The following MIER1 variants were observed in gnomAD, a reference collection of about 807,000 sequenced individuals.
The protein encoded by MIER1 is MIER1 transcriptional regulator, also known as mesoderm induction early response protein 1.
In MIER1, 40 loss-of-function variants were observed where a neutral mutation model predicts 75.7. The ratio of observed to expected loss-of-function variants is 0.53; its 90% confidence interval spans 0.41 to 0.69. The LOEUF (loss-of-function observed/expected upper bound fraction) is 0.69. MIER1 is among the 30% of genes least tolerant of loss of function. The pLI is 0.00. For missense variants in MIER1, 574 were observed against 680.2 expected (o/e 0.84, Z 1.74); for synonymous variants, 213 against 223.4 (o/e 0.95, Z 0.42).
At chr1:66,939,910 A>C in intron 2 of MIER1, 118 bp from the exon 3 acceptor site, 2 of 721,890 alleles carry the variant, frequency 2.8e-6, no homozygotes, top group Non-Finnish European at 4.7e-6. Context: ...ACTAAAATGC[A>C]GACATTAAAA....
chr1:66,930,441 G>A (rs1652895067), intron 2 of MIER1: 2 of 1,599,876 alleles, frequency 1.3e-6, no homozygotes, highest in Non-Finnish European at 1.7e-6. Flanking sequence ...GGAGCCGGGC[G>A]CCCCCGGCCC....
At chr1:66,974,231 G>A (rs762392096) in intron 11 of MIER1, among the ~76,000 whole-genome samples, 18 of 151,968 alleles carry the variant, frequency 1.2e-4, no homozygotes, top group Admixed American at 5.9e-4. Context: ...TAGCATTTAG[G>A]ATAACTTAGA....
At chr1:66,926,333 G>C in intron 2 of MIER1, 91 bp downstream of exon 2, 1 of 1,063,686 alleles carries the variant, frequency 9.4e-7, no homozygotes, top group Non-Finnish European at 1.4e-6. Flanking sequence ...ATATGTTCCA[G>C]TGTTTGAGAA....
At position 66,984,750 on chromosome 1, in the gene MIER1, A is replaced by C. The variant is rs1313476102; in HGVS notation, c.1548A>C (p.Arg516Ser). 1.2e-6 allele frequency: 2 copies of C among 1,614,082 alleles called. No individual in the cohort carries two copies. Among genetic ancestry groups the C allele is most frequent in the Non-Finnish European group, 1.7e-6 (2 of 1,179,958 alleles). The change falls in exon 14 of 14, where the codon AGA (arginine) becomes AGC (serine). Residue 516 changes from arginine to serine, a missense_variant. By Grantham distance (110) the Arg-to-Ser change is moderately radical. Around this residue, in one of 3 missense-constraint regions of MIER1, gnomAD observed 164 missense variants for 154.3 expected, o/e 1.06. Coordinates refer to ENST00000401041, the MANE Select transcript of MIER1 (RefSeq NM_001077700.3). ...CAAAACTTGCCCATATGACTGCAAG[A>C]AATGAAAATGATTTTGATGAAAAAA... is the stretch of plus-strand genomic sequence containing the variant. ...TDPKLAHMTA[R>S]NENDFDEKSE...
chr1:66,978,689 A>G lies in MIER1; in HGVS notation c.1229+1967A>G, dbSNP rs144873992. 1.8e-3 allele frequency among the ~76,000 whole-genome samples: 271 copies of G among 152,324 alleles called. 4 individuals are homozygous for G. Among genetic ancestry groups the G allele is most frequent in the Non-Finnish European group, 4.4e-4 (30 of 68,040 alleles). On this transcript the variant is annotated intron_variant, in intron 12 of 13. Transcript: ENST00000401041. ...CAGAAATAATGTTCACACGTGAGCT[A>G]CATTCAGTCTGTAATCATCAGCAGT...
Position 66,987,495 on chromosome 1 carries a change from A to G in MIER1, c.*2595A>G, listed in dbSNP as rs1343347845. The G allele has an allele frequency of 6.5e-6, 1 of 152,696 alleles. No individual in the cohort carries two copies. The highest frequency in any genetic ancestry group is 1.5e-5 in the Non-Finnish European group (1 of 67,978). The allele number at this position is 152,696 out of a possible 1,614,324, so 9.5% of individuals were successfully genotyped here. A position where few individuals can be genotyped will look rare whatever the true frequency, so the allele number is the denominator to read the frequency against. On this transcript the variant is annotated 3_prime_UTR_variant, in exon 14 of 14. Transcript: ENST00000401041. Reference sequence around the variant, plus strand: ...TTCAGGATCTGCAATTCAGTTCAACACAAGTTTGTTGAGCTTTAAAATGTA... The same window carrying G: ...TTCAGGATCTGCAATTCAGTTCAACGCAAGTTTGTTGAGCTTTAAAATGTA...
In MIER1 at chr1:66,976,731, AT is replaced by A; in HGVS notation, c.1229+15del. The A allele has an allele frequency of 6.4e-7, 1 of 1,569,128 alleles. No homozygotes were observed. Among genetic ancestry groups the A allele is most frequent in the Non-Finnish European group, 8.6e-7 (1 of 1,160,726 alleles). On this transcript the variant is annotated intron_variant, in intron 12 of 13. Transcript: ENST00000401041. ...CTTCATCCTGGTGTAACGTGAGTTA[AT>A]TTTTTCCTTAAGAGCTATATATACA...
chr1:66,959,647 A>C, intron 6 of MIER1, 32 bp from the exon 7 acceptor site: 1 of 1,069,378 alleles, frequency 9.4e-7, no homozygotes, highest in African/African-American at 1.7e-5. Flanking sequence ...ATAAGCAGTC[A>C]TTTTATAGTA....
intron 8 of MIER1, among the ~76,000 whole-genome samples, chr1:66,965,684 A>C (rs1265551429): frequency 6.6e-6 from 1 of 152,124 alleles, no homozygotes; most frequent in Non-Finnish European, 1.5e-5. Flanking sequence ...ATACTCTTAT[A>C]GTTCTTTAAA....
At chr1:66,944,488 A>T (rs2985824) in intron 3 of MIER1, among the ~76,000 whole-genome samples, 1 of 150,662 alleles carries the variant, frequency 6.6e-6, no homozygotes, top group African/African-American at 2.4e-5. Context: ...TTTACAGACT[A>T]TGTATGCCCA....
chr1:66,948,326 T>TG, intron 4 of MIER1: 1 of 625,702 alleles, frequency 1.6e-6, no homozygotes, highest in Non-Finnish European at 2.0e-6. Context: ...CATAATATCA[T>TG]GAAAAATGAA....
chr1:66,981,860 C>T lies in MIER1; in HGVS notation c.1311C>T (p.Asn437=), dbSNP rs2102070909. 6.2e-7 allele frequency: 1 copy of T among 1,614,064 alleles called. No homozygotes were observed. Among genetic ancestry groups the T allele is most frequent in the Middle Eastern group, 1.6e-4 (1 of 6,062 alleles). Residue 437 remains asparagine (N), a synonymous_variant, in exon 13 of 14, where the codon AAC becomes AAT. Coordinates refer to ENST00000401041, the MANE Select transcript of MIER1 (RefSeq NM_001077700.3). ...RAPSPPPTAS[N]SSNSQSEKED... ...CATCCCCTCCCCCAACTGCATCAAA[C>T]AGTAGTAACAGCCAGTCTGAGAAAG...
At chr1:66,939,876 G>C in intron 2 of MIER1, 152 bp from the exon 3 acceptor site, 1 of 580,064 alleles carries the variant, frequency 1.7e-6, no homozygotes, top group Non-Finnish European at 3.0e-6. Context: ...GTTTTAGTTT[G>C]TCTTGGAAAA....
chr1:66,947,945 T>G (rs745696166), intron 4 of MIER1: 1 of 985,358 alleles, frequency 1.0e-6, no homozygotes, highest in East Asian at 1.1e-4. Context: ...CGGTGTTGCC[T>G]CCTCAGAATA....
chr1:66,981,547 T>C (rs899519844), intron 12 of MIER1, among the ~76,000 whole-genome samples: 52 of 152,200 alleles, frequency 3.4e-4, no homozygotes, highest in African/African-American at 1.2e-3. Flanking sequence ...AAATTTCCTA[T>C]GGGTCTCTAA....
chr1:66,958,152 G>A lies in MIER1; in HGVS notation c.433G>A (p.Glu145Lys). ...PEEDEEEEEE[E>K]EEGEDDEDAD... ...AGAAGATGAGGAAGAGGAAGAAGAGGAAGAAGAAGGTGAAGATGATGAAGA... is the reference window on the plus strand; with the variant it reads ...AGAAGATGAGGAAGAGGAAGAAGAGAAAGAAGAAGGTGAAGATGATGAAGA... The change falls in exon 5 of 14, where the codon GAA becomes AAA. Residue 145 changes from glutamate to lysine, a missense_variant. By Grantham distance (56) the Glu-to-Lys change is moderately conservative (BLOSUM62 1). Transcript: ENST00000401041. The A allele has an allele frequency of 6.2e-7, 1 of 1,603,348 alleles. No homozygotes were observed. Among genetic ancestry groups the A allele is most frequent in the Non-Finnish European group, 8.5e-7 (1 of 1,170,428 alleles).
chr1:66,940,608 A>G (rs987450394), intron 3 of MIER1, among the ~76,000 whole-genome samples: 4 of 152,188 alleles, frequency 2.6e-5, no homozygotes, highest in African/African-American at 9.7e-5. Flanking sequence ...TCTTTCTCAA[A>G]TACAGTACAT....
chr1:66,969,648 G>A (rs1663203776), intron 8 of MIER1, among the ~76,000 whole-genome samples: 1 of 148,498 alleles, frequency 6.7e-6, no homozygotes, highest in South Asian at 2.1e-4. Context: ...TTTTGACGCT[G>A]TTAGTTATTC....
intron 8 of MIER1, among the ~76,000 whole-genome samples, chr1:66,969,223 G>C (rs1367404557): frequency 6.6e-6 from 1 of 152,094 alleles, no homozygotes; most frequent in Non-Finnish European, 1.5e-5. Flanking sequence ...TTTGAAGTGT[G>C]TGTGGGTGAG....
Sources: gnomAD v4.1 joint callset for allele counts (sites outside exome capture counted in the v4.1 genomes callset) on GRCh38, gnomAD v4.1.1 for gene constraint, gnomAD v4.1.1 regional missense constraint, MANE v1.5 for transcripts, NCBI Gene and HGNC (gene_info 2026-07-23, HGNC 2026-07-21) for gene names.